The following MACROD1 variants were observed in gnomAD, a reference collection of about 807,000 sequenced individuals.
The protein encoded by MACROD1 is mono-ADP ribosylhydrolase 1, also known as ADP-ribose glycohydrolase MACROD1.
Under a neutral mutation model 41.4 loss-of-function variants are expected in MACROD1, and 31 were observed. The observed-to-expected ratio is 0.75, with a 90% CI of 0.56 to 1.01. MACROD1 has a LOEUF of 1.01. MACROD1 is among the 50% of genes least tolerant of loss of function. MACROD1 has a pLI of 0.00. For missense variants in MACROD1, 473 were observed against 460.0 expected (o/e 1.03, Z -0.26); for synonymous variants, 252 against 203.4 (o/e 1.24, Z -2.03).
chr11:64,023,244 A>T (rs1943181030), intron 3 of MACROD1, among the ~76,000 whole-genome samples: 1 of 152,024 alleles, frequency 6.6e-6, no homozygotes, highest in Admixed American at 6.6e-5. Context: ...GAGAAGAGAA[A>T]TGACTTGCCT....
chr11:64,050,861 C>T (rs1213416344), intron 3 of MACROD1, among the ~76,000 whole-genome samples: 2 of 152,208 alleles, frequency 1.3e-5, no homozygotes, highest in Non-Finnish European at 2.9e-5. Flanking sequence ...TCAGGTGATC[C>T]GCCTGCCTTG....
intron 1 of MACROD1, among the ~76,000 whole-genome samples, chr11:64,158,381 T>C (rs1945701683): frequency 6.6e-6 from 1 of 152,184 alleles, no homozygotes. Context: ...GGCCATGATA[T>C]ATAAAATCAT....
intron 2 of MACROD1, 22 bp downstream of exon 2, chr11:64,152,270 G>C: frequency 1.2e-6 from 2 of 1,609,832 alleles, no homozygotes; most frequent in Non-Finnish European, 1.7e-6. Context: ...GCCCACCAGG[G>C]CCTCCCCCGA....
At chr11:64,164,522 C>A (rs956809142) in intron 1 of MACROD1, among the ~76,000 whole-genome samples, 21 of 152,218 alleles carry the variant, frequency 1.4e-4, no homozygotes, top group African/African-American at 4.8e-4. Context: ...CAAACTCCTC[C>A]TGCTGTTCTG....
intron 3 of MACROD1, among the ~76,000 whole-genome samples, chr11:64,069,569 G>A (rs1216496226): frequency 2.0e-5 from 3 of 152,294 alleles, no homozygotes; most frequent in Non-Finnish European, 2.9e-5. Flanking sequence ...CCCGTGTGGT[G>A]CCCCTAGCTG....
At chr11:64,055,982 G>A (rs943113930) in intron 3 of MACROD1, among the ~76,000 whole-genome samples, 1 of 152,194 alleles carries the variant, frequency 6.6e-6, no homozygotes, top group African/African-American at 2.4e-5. Context: ...GGAGGGACGC[G>A]CTGTCGGTCC....
chr11:64,157,590 T>G (rs1193754700), intron 1 of MACROD1, among the ~76,000 whole-genome samples: 5 of 152,180 alleles, frequency 3.3e-5, no homozygotes, highest in Non-Finnish European at 7.3e-5. Flanking sequence ...TAAATTTTGA[T>G]GGAGAGGCCT....
chr11:64,134,406 AG>A (rs2134665094), intron 3 of MACROD1, among the ~76,000 whole-genome samples: 1 of 152,332 alleles, frequency 6.6e-6, no homozygotes, highest in Non-Finnish European at 1.5e-5. Context: ...AGGAAGCGTG[AG>A]GACCCCAAGG....
At chr11:64,117,896 G>T (rs778352526) in intron 3 of MACROD1, 1 of 1,613,878 alleles carries the variant, frequency 6.2e-7, no homozygotes, top group African/African-American at 1.3e-5. Context: ...ACCAGGAGCA[G>T]AACGCTGGCC....
At chr11:64,062,631 AC>A (rs59611719) in intron 3 of MACROD1, among the ~76,000 whole-genome samples, 22,695 of 152,178 alleles carry the variant, frequency 0.15, 2,787 homozygotes, top group East Asian at 0.4. Context: ...CAGCAAAGGC[AC>A]GTGGCCCTGC....
intron 3 of MACROD1, among the ~76,000 whole-genome samples, chr11:64,092,479 T>C (rs1312187576): frequency 1.3e-5 from 2 of 152,092 alleles, no homozygotes; most frequent in Admixed American, 6.5e-5. Flanking sequence ...TGAGGTTGGG[T>C]GTGGCCAGAG....
At chr11:64,078,474 G>A (rs1944244084) in intron 3 of MACROD1, among the ~76,000 whole-genome samples, 1 of 152,220 alleles carries the variant, frequency 6.6e-6, no homozygotes, top group Admixed American at 6.5e-5. Flanking sequence ...GAGCCACTTA[G>A]GCTAATCTGG....
At chr11:64,158,488 C>T (rs1039422720) in intron 1 of MACROD1, among the ~76,000 whole-genome samples, 2 of 152,168 alleles carry the variant, frequency 1.3e-5, no homozygotes, top group African/African-American at 4.8e-5. Context: ...TAGCAATCCT[C>T]CCACCTTGGC....
intron 4 of MACROD1, among the ~76,000 whole-genome samples, chr11:64,008,594 C>A (rs140596242): frequency 6.6e-6 from 1 of 152,098 alleles, no homozygotes; most frequent in Non-Finnish European, 1.5e-5. Context: ...AGGCCCGGTG[C>A]TAGGGGAAGA....
intron 3 of MACROD1, among the ~76,000 whole-genome samples, chr11:64,049,028 AGT>A (rs776411963): frequency 3.3e-4 from 39 of 118,536 alleles, no homozygotes; most frequent in Middle Eastern, 4.0e-3. Flanking sequence ...TCCTGCCCTG[AGT>A]GTGGGTGATA....
chr11:64,009,789 C>T (rs1942971694), intron 4 of MACROD1, among the ~76,000 whole-genome samples: 1 of 152,222 alleles, frequency 6.6e-6, no homozygotes, highest in Non-Finnish European at 1.5e-5. Flanking sequence ...TCTCTGCTCC[C>T]CTGAGACTGC....
At chr11:64,041,032 TAATTAAAACTGG>T (rs1323707450) in intron 3 of MACROD1, among the ~76,000 whole-genome samples, 4 of 151,694 alleles carry the variant, frequency 2.6e-5, no homozygotes, top group Admixed American at 1.3e-4. Flanking sequence ...GGCTTATACT[TAATTAAAACTGG>T]GATTAAAACT....
intron 4 of MACROD1, among the ~76,000 whole-genome samples, chr11:64,014,711 C>T (rs561496747): frequency 7.9e-5 from 12 of 152,276 alleles, no homozygotes; most frequent in South Asian, 4.1e-4. Flanking sequence ...GTATCCCTTG[C>T]GGCCAGGCCC....
intron 3 of MACROD1, among the ~76,000 whole-genome samples, chr11:64,144,163 T>C (rs1335861036): frequency 7.0e-6 from 1 of 143,550 alleles, no homozygotes; most frequent in Non-Finnish European, 1.5e-5. Flanking sequence ...ACCTCGCCCC[T>C]CCCTGTCTGT....
Sources: allele counts gnomAD v4.1 joint callset (sites outside exome capture counted in the v4.1 genomes callset), GRCh38; gene constraint gnomAD v4.1.1; transcripts MANE v1.5; gene names NCBI Gene and HGNC (gene_info 2026-07-23, HGNC 2026-07-21).